CMIP: variants seen among roughly 807,000 people sequenced by gnomAD.
CMIP encodes the protein C-Maf-inducing protein.
A neutral mutation model predicts 97.3 loss-of-function variants in CMIP; 13 were observed. The ratio of observed to expected loss-of-function variants is 0.13; its 90% CI spans 0.09 to 0.21. The LOEUF is 0.21. Among genes scored for constraint, CMIP ranks in the 10% least tolerant of loss-of-function variants. The pLI, the probability that CMIP is intolerant of heterozygous loss-of-function variation, is 1.00. For missense variants in CMIP, 847 were observed against 1,024.9 expected, an observed-to-expected ratio of 0.83 and a Z score of 2.37; for synonymous variants, 538 against 436.3, an observed-to-expected ratio of 1.23 and a Z score of -2.91.
intron 1 of CMIP, among the ~76,000 whole-genome samples, chr16:81,472,927 G>A (rs995644322): frequency 5.3e-5 from 8 of 152,236 alleles, no homozygotes; most frequent in African/African-American, 1.7e-4. Context: ...GCTGCCCAGT[G>A]AGTGTGTGAG....
At chr16:81,696,828 G>C in intron 14 of CMIP, 161 bp downstream of exon 14, 1 of 656,962 alleles carries the variant, frequency 1.5e-6, no homozygotes, top group Non-Finnish European at 2.6e-6. Flanking sequence ...TGGTGATGGT[G>C]ACCGTGACTG....
intron 10 of CMIP, among the ~76,000 whole-genome samples, chr16:81,689,035 A>G (rs1486466203): frequency 1.3e-5 from 2 of 152,196 alleles, no homozygotes; most frequent in Admixed American, 6.5e-5. Context: ...TATGTGCCAC[A>G]TCTTCTTAAT....
intron 1 of CMIP, among the ~76,000 whole-genome samples, chr16:81,521,748 T>C (rs954648024): frequency 2.0e-5 from 3 of 152,156 alleles, no homozygotes; most frequent in Non-Finnish European, 2.9e-5. Flanking sequence ...TATGATACCT[T>C]GTAGATTTCA....
At chr16:81,524,215 C>T (rs2090084437) in intron 1 of CMIP, among the ~76,000 whole-genome samples, 1 of 152,338 alleles carries the variant, frequency 6.6e-6, no homozygotes, top group African/African-American at 2.4e-5. Flanking sequence ...TGGGGTCAGA[C>T]AGAGCTGGAT....
chr16:81,481,132 G>T (rs1174943244), intron 1 of CMIP, among the ~76,000 whole-genome samples: 2 of 152,206 alleles, frequency 1.3e-5, no homozygotes, highest in Non-Finnish European at 2.9e-5. Flanking sequence ...ATGGCTGTGG[G>T]ACTCATGATT....
At chr16:81,632,410 C>T (rs115062974) in intron 3 of CMIP, among the ~76,000 whole-genome samples, 242 of 152,324 alleles carry the variant, frequency 1.6e-3, no homozygotes, top group African/African-American at 5.5e-3. Context: ...TTATCATCCA[C>T]GCGGTTCCGT....
chr16:81,694,685 G>A (rs1906500345), intron 13 of CMIP, among the ~76,000 whole-genome samples: 1 of 152,164 alleles, frequency 6.6e-6, no homozygotes, highest in East Asian at 1.9e-4. Context: ...TCCAGCTCAC[G>A]GGGCCTGGGT....
intron 19 of CMIP, among the ~76,000 whole-genome samples, chr16:81,706,030 CAG>C (rs1340209230): frequency 1.3e-5 from 2 of 152,314 alleles, no homozygotes; most frequent in East Asian, 3.9e-4. Context: ...GTACGGTAAG[CAG>C]ATGCCTGGGA....
intron 3 of CMIP, among the ~76,000 whole-genome samples, chr16:81,624,346 T>C (rs532446286): frequency 6.6e-6 from 1 of 152,360 alleles, no homozygotes; most frequent in Admixed American, 6.5e-5. Context: ...TATCTCCTAA[T>C]GCTATCTTGT....
chr16:81,685,060 T>G (rs901373229), intron 10 of CMIP, among the ~76,000 whole-genome samples: 1 of 152,232 alleles, frequency 6.6e-6, no homozygotes, highest in African/African-American at 2.4e-5. Context: ...CATTCCCTTC[T>G]TCGTGGGCCT....
chr16:81,698,176 A>G (rs1906975228), intron 14 of CMIP: 1 of 152,142 alleles, frequency 6.6e-6, no homozygotes, highest in African/African-American at 2.4e-5. Flanking sequence ...TGCCATGGAG[A>G]TGCATGGCTT....
At chr16:81,448,755 G>A (rs1001272758) in intron 1 of CMIP, among the ~76,000 whole-genome samples, 4 of 152,266 alleles carry the variant, frequency 2.6e-5, no homozygotes, top group South Asian at 2.1e-4. Context: ...GCAGATAGGC[G>A]ACAGCTGACT....
At chr16:81,464,032 C>G (rs994247882) in intron 1 of CMIP, 1 of 152,238 alleles carries the variant, frequency 6.6e-6, no homozygotes, top group African/African-American at 2.4e-5. Flanking sequence ...GTTACCTGGC[C>G]GGGGTGGCTT....
intron 7 of CMIP, 134 bp downstream of exon 7, chr16:81,664,483 A>T (rs2092582038): frequency 2.6e-6 from 2 of 769,126 alleles, no homozygotes; most frequent in African/African-American, 1.8e-5. Flanking sequence ...ACTGGGGTTG[A>T]GATTCTGGTT....
At position 81,678,609 on chromosome 16, in the gene CMIP, G is replaced by T; in HGVS notation, c.1369G>T (p.Val457Leu). The stretch of plus-strand genomic sequence containing the variant: ...GGCCGACCGCACGCTCGGCTGCTAC[G>T]TGGAAATCCTCAAGCTGCTGTGAGT... ...PQADRTLGCY[V>L]EILKLLSDYD... is the part of the protein sequence containing the mutation. Residue 457 changes from valine to leucine, a missense_variant, in exon 10 of 21, where the codon GTG (valine) becomes TTG (leucine). Val to Leu is a conservative substitution (Grantham distance 32). Transcript: ENST00000537098. The T allele has an allele frequency of 6.3e-7, 1 of 1,584,010 alleles. No individual in the cohort carries two copies. The highest frequency in any genetic ancestry group is 8.6e-7 in the Non-Finnish European group (1 of 1,160,032).
intron 1 of CMIP, among the ~76,000 whole-genome samples, chr16:81,549,394 T>C (rs2090610253): frequency 1.3e-5 from 2 of 152,136 alleles, no homozygotes; most frequent in African/African-American, 4.8e-5. Context: ...TTGTCACCCA[T>C]GAGGTCAGGA....
chr16:81,700,633 C>T (rs11150400), intron 15 of CMIP: 43,791 of 152,404 alleles, frequency 0.29, 6,472 homozygotes, highest in Middle Eastern at 0.37. Flanking sequence ...AGTTGGCAGG[C>T]GCAGCAAAGC....
At chr16:81,454,955 G>C (rs574523189) in intron 1 of CMIP, among the ~76,000 whole-genome samples, 102 of 152,340 alleles carry the variant, frequency 6.7e-4, no homozygotes, top group African/African-American at 2.4e-3. Context: ...ACAGGCCAGA[G>C]CGGCTGGGCA....
chr16:81,620,287 A>G (rs2091975645), intron 2 of CMIP: 1 of 152,640 alleles, frequency 6.6e-6, no homozygotes, highest in African/African-American at 2.4e-5. Flanking sequence ...ATCTTCTGCC[A>G]TTGGCAGGAG....
Sources: gnomAD v4.1 joint callset for allele counts (sites outside exome capture counted in the v4.1 genomes callset) on GRCh38, gnomAD v4.1.1 for gene constraint, MANE v1.5 for transcripts, NCBI Gene and HGNC (gene_info 2026-07-23, HGNC 2026-07-21) for gene names.